DLGAP2: variants seen among roughly 807,000 people sequenced by gnomAD.
DLGAP2 encodes the protein DLG associated protein 2.
In DLGAP2, 26 loss-of-function variants were observed where a neutral mutation model predicts 100.3. The ratio of observed to expected loss-of-function variants is 0.26; its 90% CI spans 0.19 to 0.36. The LOEUF is 0.36. Among genes scored for constraint, DLGAP2 ranks in the 10% least tolerant of loss-of-function variants. The pLI is 1.00. For missense variants in DLGAP2, 1,858 were observed against 1,453.2 expected, an observed-to-expected ratio of 1.28 and a Z score of -4.53; for synonymous variants, 886 against 630.1, an observed-to-expected ratio of 1.41 and a Z score of -6.08.
intron 4 of DLGAP2, among the ~76,000 whole-genome samples, chr8:1,548,338 A>G (rs1333134994): frequency 6.6e-6 from 1 of 150,922 alleles, no homozygotes; most frequent in Non-Finnish European, 1.5e-5. Flanking sequence ...AGGCGCCTGT[A>G]GTCCCAGCTA....
chr8:963,763 G>A (rs911709098), intron 2 of DLGAP2, among the ~76,000 whole-genome samples: 3 of 152,132 alleles, frequency 2.0e-5, no homozygotes, highest in Admixed American at 2.0e-4. Flanking sequence ...AGATCCTAAT[G>A]TCATTTATGA....
intron 1 of DLGAP2, chr8:822,278 G>C (rs987545036): frequency 7.5e-6 from 3 of 399,296 alleles, no homozygotes; most frequent in Non-Finnish European, 8.8e-6. Context: ...GCTGTGATGG[G>C]TGCTCCACCC....
At chr8:1,017,515 A>AGAT (rs1554466852) in intron 2 of DLGAP2, among the ~76,000 whole-genome samples, 2 of 65,358 alleles carry the variant, frequency 3.1e-5, no homozygotes, top group Non-Finnish European at 3.2e-5. Flanking sequence ...TGACCAGGAC[A>AGAT]GACGCCTCCA....
chr8:917,955 G>A (rs1798631053), intron 2 of DLGAP2, among the ~76,000 whole-genome samples: 1 of 152,198 alleles, frequency 6.6e-6, no homozygotes, highest in Middle Eastern at 3.2e-3. Flanking sequence ...ACTGCCTCAT[G>A]ACTTTCTGAG....
chr8:1,091,598 C>G (rs547856316), intron 2 of DLGAP2, among the ~76,000 whole-genome samples: 11 of 152,206 alleles, frequency 7.2e-5, no homozygotes, highest in African/African-American at 2.4e-4. Flanking sequence ...CCATATCATT[C>G]GGCAGGTCCC....
At chr8:1,472,941 A>T (rs1275514248) in intron 3 of DLGAP2, among the ~76,000 whole-genome samples, 1 of 150,622 alleles carries the variant, frequency 6.6e-6, no homozygotes, top group African/African-American at 2.4e-5. Flanking sequence ...AATTCACACA[A>T]TTTTTTTTTT....
intron 1 of DLGAP2, among the ~76,000 whole-genome samples, chr8:844,763 T>G (rs1797043647): frequency 6.6e-6 from 1 of 152,236 alleles, no homozygotes; most frequent in South Asian, 2.1e-4. Flanking sequence ...TTGACCTGTT[T>G]AAAGTACACA....
chr8:1,500,952 G>C (rs1584958558), intron 3 of DLGAP2, among the ~76,000 whole-genome samples: 2 of 152,330 alleles, frequency 1.3e-5, no homozygotes, highest in East Asian at 3.9e-4. Flanking sequence ...CGGAAGGAAA[G>C]TCTTTCTCAT....
intron 1 of DLGAP2, among the ~76,000 whole-genome samples, chr8:898,043 A>AGTGG (rs1275285840): frequency 6.6e-6 from 1 of 151,846 alleles, no homozygotes; most frequent in African/African-American, 2.4e-5. Context: ...ACCTGCAGTA[A>AGTGG]GTGGGTTGGA....
At chr8:1,173,320 A>C (rs988862747) in intron 2 of DLGAP2, among the ~76,000 whole-genome samples, 1 of 152,168 alleles carries the variant, frequency 6.6e-6, no homozygotes, top group Non-Finnish European at 1.5e-5. Context: ...TAGGCTGCTC[A>C]GGGGTCAGGG....
chr8:899,766 C>T (rs1798213855), intron 1 of DLGAP2, among the ~76,000 whole-genome samples: 1 of 152,210 alleles, frequency 6.6e-6, no homozygotes, highest in Non-Finnish European at 1.5e-5. Context: ...TATTAATGTT[C>T]TTGACACTCT....
chr8:1,102,734 G>A (rs1585061223), intron 2 of DLGAP2, among the ~76,000 whole-genome samples: 1 of 152,274 alleles, frequency 6.6e-6, no homozygotes, highest in East Asian at 1.9e-4. Flanking sequence ...CTGCACTCAG[G>A]AGCCTGGTGT....
At chr8:1,366,269 A>G (rs368963702) in intron 3 of DLGAP2, among the ~76,000 whole-genome samples, 7 of 152,280 alleles carry the variant, frequency 4.6e-5, no homozygotes, top group South Asian at 4.2e-4. Flanking sequence ...TTTATCACCC[A>G]TTTGTACTAT....
At chr8:968,256 C>T (rs1356767340) in intron 2 of DLGAP2, among the ~76,000 whole-genome samples, 1 of 152,140 alleles carries the variant, frequency 6.6e-6, no homozygotes, top group South Asian at 2.1e-4. Context: ...CGTGGGGCCC[C>T]TGCCCCCAAC....
chr8:1,162,283 C>T (rs1369953330), intron 2 of DLGAP2, among the ~76,000 whole-genome samples: 1 of 152,176 alleles, frequency 6.6e-6, no homozygotes, highest in Non-Finnish European at 1.5e-5. Context: ...CCTGCACCGG[C>T]GTCTGCGTAG....
At chr8:1,253,441 C>T (rs1799095697) in intron 2 of DLGAP2, among the ~76,000 whole-genome samples, 1 of 152,242 alleles carries the variant, frequency 6.6e-6, no homozygotes, top group Admixed American at 6.5e-5. Flanking sequence ...CGCTCGGCTT[C>T]ACAGACCTCA....
intron 2 of DLGAP2, among the ~76,000 whole-genome samples, chr8:1,062,957 G>T (rs376115754): frequency 2.2e-4 from 33 of 152,338 alleles, no homozygotes; most frequent in Non-Finnish European, 3.2e-4. Context: ...TAGCAAAGAT[G>T]CAGCAGCCGG....
intron 13 of DLGAP2, among the ~76,000 whole-genome samples, chr8:1,695,987 G>A (rs573379282): frequency 2.6e-4 from 39 of 152,344 alleles, no homozygotes; most frequent in African/African-American, 8.9e-4. Context: ...AGAAGAATGG[G>A]CTCAGCCGCG....
intron 3 of DLGAP2, among the ~76,000 whole-genome samples, chr8:1,428,064 A>C (rs529606917): frequency 5.0e-4 from 76 of 152,300 alleles, no homozygotes; most frequent in African/African-American, 1.7e-3. Context: ...AATGACTTAC[A>C]TAGCAAAATG....
Sources: gnomAD v4.1 joint callset for allele counts (sites outside exome capture counted in the v4.1 genomes callset) on GRCh38, gnomAD v4.1.1 for gene constraint, MANE v1.5 for transcripts, NCBI Gene and HGNC (gene_info 2026-07-23, HGNC 2026-07-21) for gene names.